The following NRG1 variants were observed in gnomAD, a reference collection of about 807,000 sequenced individuals.
The protein encoded by NRG1 is neuregulin 1, also known as pro-neuregulin-1, membrane-bound isoform.
NRG1 carries 18 observed loss-of-function variants against 63.8 expected under a neutral mutation model. That is an observed-to-expected ratio of 0.28 (90% CI 0.19 to 0.42). The LOEUF is 0.42. Ranked by LOEUF, NRG1 falls within the 10% of genes least tolerant of loss-of-function variation. The pLI, the probability that NRG1 is intolerant of heterozygous loss-of-function variation, is 1.00. For missense variants in NRG1, 762 were observed against 814.7 expected (o/e 0.94, Z 0.79); for synonymous variants, 302 against 301.3 (o/e 1.00, Z -0.02).
At chr8:31,729,405 A>T (rs1813791120) in intron 1 of NRG1, among the ~76,000 whole-genome samples, 1 of 152,184 alleles carries the variant, frequency 6.6e-6, no homozygotes, top group African/African-American at 2.4e-5. Context: ...GAAAGAGAAG[A>T]ACATAATGAT....
At chr8:31,690,073 A>G (rs112985512) in intron 1 of NRG1, among the ~76,000 whole-genome samples, 9 of 152,288 alleles carry the variant, frequency 5.9e-5, no homozygotes, top group African/African-American at 2.2e-4. Context: ...TCTCTTGATA[A>G]TGAGTGAGTT....
rs1205844560 is a variant in NRG1, at chr8:32,048,442, CATACAT to C, written c.37+409015_37+409020del. Among the ~76,000 whole-genome samples, 623 of 134,844 alleles carry C rather than the reference CATACAT, an allele frequency of 4.6e-3. 18 individuals are homozygous for C. Among genetic ancestry groups the C allele is most frequent in the African/African-American group, 0.014 (483 of 34,614 alleles). 88.5% of individuals were successfully genotyped at this position (134,844 alleles called of 152,430 possible). On this transcript the variant is annotated intron_variant, in intron 1 of 10. Coordinates refer to the NRG1 transcript ENST00000519301. ...GTACATGCATATGTACACATATATACATACATATATATATATATATATATATATATA... is the reference window on the plus strand; with the variant it reads ...GTACATGCATATGTACACATATATACATATATATATATATATATATATATA...
intron 2 of NRG1, among the ~76,000 whole-genome samples, chr8:32,604,124 G>T (rs868202364): frequency 1.3e-5 from 2 of 152,158 alleles, no homozygotes; most frequent in Non-Finnish European, 2.9e-5. Flanking sequence ...TCAGAATTTA[G>T]ACACGTGAGA....
intron 1 of NRG1, among the ~76,000 whole-genome samples, chr8:32,578,347 A>G (rs1417499892): frequency 1.3e-5 from 2 of 152,166 alleles, no homozygotes; most frequent in Non-Finnish European, 1.5e-5. Flanking sequence ...TGTCTCTTTA[A>G]TCACAAAAAG....
chr8:32,282,370 A>G (rs1035413334), intron 1 of NRG1, among the ~76,000 whole-genome samples: 1 of 152,218 alleles, frequency 6.6e-6, no homozygotes, highest in African/African-American at 2.4e-5. Context: ...CTCTAGTTGA[A>G]TGGCTGACAG....
chr8:32,080,804 TGTGTGA>T (rs1246200378), intron 1 of NRG1, among the ~76,000 whole-genome samples: 27 of 114,836 alleles, frequency 2.4e-4, no homozygotes, highest in African/African-American at 7.3e-4. Flanking sequence ...TGTGTGTGTG[TGTGTGA>T]CAGAGACAGA....
At chr8:31,863,382 A>G (rs1051134140) in intron 1 of NRG1, among the ~76,000 whole-genome samples, 2 of 152,210 alleles carry the variant, frequency 1.3e-5, no homozygotes, top group Non-Finnish European at 2.9e-5. Context: ...GAGAATCATC[A>G]CAATCATCTA....
At chr8:32,760,146 T>C in intron 10 of NRG1, 54 bp from the exon 11 acceptor site, 6 of 1,597,430 alleles carry the variant, frequency 3.8e-6, no homozygotes, top group South Asian at 2.2e-5. Flanking sequence ...TTCCATTTTT[T>C]TGCATATAAT....
intron 7 of NRG1, among the ~76,000 whole-genome samples, chr8:32,748,358 C>CACACAGAGAGAGAGAGAGAGAGAGAG (rs748763782): frequency 8.2e-6 from 1 of 121,962 alleles, no homozygotes; most frequent in Non-Finnish European, 1.7e-5. Flanking sequence ...CACACACACA[C>CACACAGAGAGAGAGAGAGAGAGAGAG]AGAGAGAGAG....
intron 1 of NRG1, among the ~76,000 whole-genome samples, chr8:32,014,863 G>C (rs1309967512): frequency 6.6e-6 from 1 of 151,966 alleles, no homozygotes; most frequent in Non-Finnish European, 1.5e-5. Context: ...GTGTATAAAG[G>C]GGAAATCTGA....
intron 1 of NRG1, among the ~76,000 whole-genome samples, chr8:32,502,482 A>C (rs951563554): frequency 3.5e-4 from 14 of 40,242 alleles, no homozygotes; most frequent in African/African-American, 1.5e-3. Context: ...AAACCTTATA[A>C]ATACACCCAT....
At chr8:32,433,536 C>A (rs1055487536) in intron 1 of NRG1, among the ~76,000 whole-genome samples, 1 of 152,084 alleles carries the variant, frequency 6.6e-6, no homozygotes, top group African/African-American at 2.4e-5. Context: ...AGCAATGTAA[C>A]CTCCTGCTGT....
intron 1 of NRG1, among the ~76,000 whole-genome samples, chr8:32,162,608 C>T (rs991641221): frequency 5.3e-5 from 8 of 152,134 alleles, no homozygotes; most frequent in Non-Finnish European, 1.2e-4. Context: ...CCCTTACCCC[C>T]ATCCAGGGGA....
At chr8:31,858,921 A>G (rs1374682062) in intron 1 of NRG1, among the ~76,000 whole-genome samples, 8 of 152,204 alleles carry the variant, frequency 5.3e-5, no homozygotes, top group Non-Finnish European at 1.0e-4. Context: ...CATCTTGATA[A>G]CTTACTGCAG....
intron 1 of NRG1, among the ~76,000 whole-genome samples, chr8:32,511,003 C>G (rs1049534278): frequency 7.1e-6 from 1 of 140,104 alleles, no homozygotes; most frequent in Non-Finnish European, 1.5e-5. Context: ...TTTTTCCATG[C>G]CATACCCTGA....
chr8:31,700,006 A>G (rs1810472988), intron 1 of NRG1, among the ~76,000 whole-genome samples: 1 of 152,218 alleles, frequency 6.6e-6, no homozygotes, highest in Admixed American at 6.5e-5. Context: ...CTTCCTTTAA[A>G]TACATCAACT....
intron 1 of NRG1, among the ~76,000 whole-genome samples, chr8:32,365,483 T>C (rs1807843443): frequency 6.6e-6 from 1 of 152,204 alleles, no homozygotes; most frequent in Non-Finnish European, 1.5e-5. Context: ...AAATAATGAA[T>C]TCCTATACTT....
At chr8:32,553,620 T>G (rs1395366927) in intron 1 of NRG1, among the ~76,000 whole-genome samples, 1 of 152,158 alleles carries the variant, frequency 6.6e-6, no homozygotes, top group Non-Finnish European at 1.5e-5. Context: ...ACATGACTCT[T>G]TTTTCTGGCA....
intron 1 of NRG1, among the ~76,000 whole-genome samples, chr8:31,662,517 G>C (rs1393883153): frequency 6.6e-6 from 1 of 152,162 alleles, no homozygotes. Context: ...CTGCATTTCT[G>C]GGTTTCACTT....
Sources: gnomAD v4.1 joint callset for allele counts (sites outside exome capture counted in the v4.1 genomes callset) on GRCh38, gnomAD v4.1.1 for gene constraint, MANE v1.5 for transcripts, NCBI Gene and HGNC (gene_info 2026-07-23, HGNC 2026-07-21) for gene names.